ELP1: variants seen among roughly 807,000 people sequenced by gnomAD.
ELP1 encodes elongator complex protein 1.
ELP1 carries 131 observed loss-of-function variants against 183.2 expected under a neutral mutation model. That is an observed-to-expected ratio of 0.72 (90% CI 0.62 to 0.83). The LOEUF (loss-of-function observed/expected upper bound fraction) is 0.83, where lower values mean the gene tolerates loss of function less well. Ranked by LOEUF, ELP1 falls within the 40% of genes least tolerant of loss-of-function variation. ELP1 has a pLI of 0.00. For missense variants in ELP1, 1,550 were observed against 1,594.9 expected (o/e 0.97, Z 0.48); for synonymous variants, 555 against 569.0 (o/e 0.98, Z 0.35).
chr9:108,902,972 T>C (rs776929374), intron 15 of ELP1, 30 bp from the exon 16 acceptor site: 36 of 1,525,706 alleles, frequency 2.4e-5, no homozygotes, highest in South Asian at 6.7e-5. Flanking sequence ...AGTTCACAAA[T>C]AGCTGATGCG....
chr9:108,872,287 G>C (rs1827485886), intron 36 of ELP1, among the ~76,000 whole-genome samples: 1 of 152,142 alleles, frequency 6.6e-6, no homozygotes, highest in Admixed American at 6.5e-5. Context: ...AGCAACAGGA[G>C]GTAGCTACAA....
intron 4 of ELP1, among the ~76,000 whole-genome samples, chr9:108,926,953 T>TA (rs1481067668): frequency 6.6e-6 from 1 of 152,156 alleles, no homozygotes; most frequent in African/African-American, 2.4e-5. Flanking sequence ...TGATGAGACT[T>TA]AAAGGGGAAA....
At chr9:108,929,343 T>G (rs1367041628) in intron 3 of ELP1, among the ~76,000 whole-genome samples, 1 of 152,190 alleles carries the variant, frequency 6.6e-6, no homozygotes, top group East Asian at 1.9e-4. Flanking sequence ...ATGTATTTAC[T>G]TTAGTGCCTA....
In ELP1 at chr9:108,893,021, G is replaced by A. The variant is rs1292237041; in HGVS notation, c.2923C>T (p.Leu975=). 1.2e-6 allele frequency: 2 copies of A among 1,613,738 alleles called. No individual in the cohort carries two copies. The highest frequency in any genetic ancestry group is 1.7e-6 in the Non-Finnish European group (2 of 1,179,690). Residue 975 remains leucine, a synonymous_variant, in exon 27 of 37, where the codon CTG becomes TTG. Coordinates refer to ENST00000374647, the MANE Select transcript of ELP1 (RefSeq NM_003640.5). Reference sequence around the variant, plus strand: ...TGTGAGCTTGGTGAATATAACTTCAGAGCTTCGTTATACAAGTTTTTATCT... The same window carrying A: ...TGTGAGCTTGGTGAATATAACTTCAAAGCTTCGTTATACAAGTTTTTATCT... ...IKDKNLYNEA[L]KLYSPSSQQY...
chr9:108,930,249 G>A (rs1005160491), intron 2 of ELP1, among the ~76,000 whole-genome samples: 3 of 152,174 alleles, frequency 2.0e-5, no homozygotes, highest in Admixed American at 2.0e-4. Flanking sequence ...ACTAAAGGAT[G>A]TAACTGCCTA....
intron 8 of ELP1, 60 bp downstream of exon 8, chr9:108,918,751 G>A: frequency 4.4e-6 from 5 of 1,136,066 alleles, no homozygotes; most frequent in Non-Finnish European, 6.7e-6. Flanking sequence ...CTGTATCCAT[G>A]TGTACCACCA....
intron 16 of ELP1, 102 bp downstream of exon 16, chr9:108,902,737 T>C (rs892497675): frequency 4.9e-6 from 4 of 817,208 alleles, no homozygotes; most frequent in Admixed American, 1.8e-5. Context: ...AGGCATTTAG[T>C]GGAGACCCAA....
chr9:108,880,297 C>T (rs1827877489), intron 31 of ELP1, 132 bp from the exon 32 acceptor site: 4 of 689,556 alleles, frequency 5.8e-6, no homozygotes, highest in African/African-American at 1.8e-5. Flanking sequence ...CAAGCGAGCT[C>T]TTTTTCCTTA....
In ELP1 at chr9:108,868,765, G is replaced by C. The variant is rs1485716223; in HGVS notation, c.*350C>G. The C allele has an allele frequency of 3.6e-6, 2 of 560,496 alleles. No individual in the cohort carries two copies. The highest frequency in any genetic ancestry group is 2.8e-5 in the East Asian group (1 of 35,476). The allele number at this position is 560,496 out of a possible 1,614,324, so 34.7% of individuals were successfully genotyped here. On this transcript the variant is annotated 3_prime_UTR_variant, in exon 37 of 37. Coordinates refer to ENST00000374647, the MANE Select transcript of ELP1 (RefSeq NM_003640.5). ...TCCGCCAACAAAATAAGACAATTTA[G>C]AAACATTGTTTTACTTGTCTTCACA... is the stretch of plus-strand genomic sequence containing the variant.
intron 36 of ELP1, among the ~76,000 whole-genome samples, chr9:108,872,776 G>C (rs925597647): frequency 8.9e-6 from 1 of 112,536 alleles, no homozygotes; most frequent in Non-Finnish European, 1.6e-5. Context: ...CTGCACTCCC[G>C]CCTGGGCCAC....
intron 25 of ELP1, 103 bp downstream of exon 25, chr9:108,896,391 TCA>T: frequency 9.6e-7 from 1 of 1,042,350 alleles, no homozygotes; most frequent in Non-Finnish European, 1.5e-6. Context: ...AGCCCTGCAC[TCA>T]CAGAGTGATA....
intron 29 of ELP1, among the ~76,000 whole-genome samples, chr9:108,887,209 AAAAAT>A (rs1409078798): frequency 1.3e-5 from 2 of 152,158 alleles, no homozygotes; most frequent in African/African-American, 4.8e-5. Context: ...ACTCTGTCTC[AAAAAT>A]AAAATAATAT....
At chr9:108,895,793 G>A (rs1283093517) in intron 25 of ELP1, among the ~76,000 whole-genome samples, 1 of 152,140 alleles carries the variant, frequency 6.6e-6, no homozygotes, top group Non-Finnish European at 1.5e-5. Flanking sequence ...CATAGCAAAT[G>A]TACCAACATA....
intron 36 of ELP1, 52 bp downstream of exon 36, chr9:108,874,843 A>G: frequency 8.3e-7 from 1 of 1,201,964 alleles, no homozygotes; most frequent in Non-Finnish European, 1.2e-6. Flanking sequence ...TACTTACAGA[A>G]AGATAGTCCT....
chr9:108,925,160 A>C (rs1829788066), intron 5 of ELP1, among the ~76,000 whole-genome samples: 1 of 152,036 alleles, frequency 6.6e-6, no homozygotes, highest in African/African-American at 2.4e-5. Flanking sequence ...CCCTCTCCAC[A>C]CACAAAAACA....
chr9:108,872,804 GAAAAAAAAAAAAA>G (rs58139943), intron 36 of ELP1, among the ~76,000 whole-genome samples: 21 of 83,374 alleles, frequency 2.5e-4, no homozygotes, highest in African/African-American at 1.4e-3. Flanking sequence ...GACTCTGTCT[GAAAAAAAAAAAAA>G]AAAAAAAAAA....
At position 108,919,564 on chromosome 9, in the gene ELP1, G is replaced by A. The variant is rs546914073; in HGVS notation, c.553-215C>T. The stretch of plus-strand genomic sequence containing the variant: ...GTAAAACAAACAAAATCCTCCTTTC[G>A]GCATTAAAAAAAAAAAAAGTGGCCT... On this transcript the variant is annotated intron_variant, in intron 6 of 36. Coordinates refer to ENST00000374647, the MANE Select transcript of ELP1 (RefSeq NM_003640.5). 5.3e-5 allele frequency among the ~76,000 whole-genome samples: 8 copies of A among 150,240 alleles called. No individual in the cohort carries two copies. The South Asian group carries it at 1.1e-3, about 20-fold the overall frequency.
At chr9:108,885,858 C>A (rs1007333595) in intron 29 of ELP1, among the ~76,000 whole-genome samples, 4 of 152,140 alleles carry the variant, frequency 2.6e-5, no homozygotes, top group African/African-American at 9.6e-5. Flanking sequence ...TTTGATGGAT[C>A]TTGGGGGTAT....
intron 20 of ELP1, 71 bp from the exon 21 acceptor site, chr9:108,898,820 C>A (rs1041072268): frequency 2.1e-4 from 208 of 987,378 alleles, no homozygotes; most frequent in Non-Finnish European, 2.8e-4. Flanking sequence ...AGCATATTTT[C>A]ATTATGATAC....
Sources: gnomAD v4.1 joint callset for allele counts (sites outside exome capture counted in the v4.1 genomes callset) on GRCh38, gnomAD v4.1.1 for gene constraint, MANE v1.5 for transcripts, NCBI Gene and HGNC (gene_info 2026-07-23, HGNC 2026-07-21) for gene names.